The following NUP133 variants were observed in gnomAD, a reference collection of about 807,000 sequenced individuals.
NUP133 encodes the protein nucleoporin 133.
A neutral mutation model predicts 146.2 loss-of-function variants in NUP133; 66 were observed. The ratio of observed to expected loss-of-function variants is 0.45; its 90% confidence interval spans 0.37 to 0.55. The LOEUF is 0.55. NUP133 is among the 20% of genes least tolerant of loss of function. NUP133 has a pLI of 0.00. For synonymous variants in NUP133, 521 were observed against 498.8 expected, an observed-to-expected ratio of 1.04 and a Z score of -0.59; for missense variants, 1,277 against 1,374.8, an observed-to-expected ratio of 0.93 and a Z score of 1.12.
At chr1:229,454,728 C>A (rs1445181619) in intron 21 of NUP133, among the ~76,000 whole-genome samples, 3 of 152,112 alleles carry the variant, frequency 2.0e-5, no homozygotes, top group Admixed American at 2.0e-4. Context: ...AACAGGAAAG[C>A]CTTGGTTAAA....
chr1:229,500,674 A>G, intron 4 of NUP133, 82 bp downstream of exon 4: 2 of 796,950 alleles, frequency 2.5e-6, no homozygotes, highest in Non-Finnish European at 4.0e-6. Context: ...GTTATATCTC[A>G]AAATCAAAGA....
intron 11 of NUP133, among the ~76,000 whole-genome samples, chr1:229,485,550 T>C (rs1012655080): frequency 6.6e-6 from 1 of 152,132 alleles, no homozygotes; most frequent in Middle Eastern, 3.2e-3. Flanking sequence ...CAGCAAACCA[T>C]AAACAATATT....
At position 229,495,843 on chromosome 1, in the gene NUP133, C is replaced by T. The variant is rs965151620; in HGVS notation, c.975+49G>A. 3 of 1,430,570 alleles carry T rather than the reference C, an allele frequency of 2.1e-6. No homozygotes were observed. In the African/African-American group the frequency reaches 4.3e-5, roughly 21 times the overall value. The allele number at this position is 1,430,570 out of a possible 1,614,324, so 88.6% of individuals were successfully genotyped here. A position where few individuals can be genotyped will look rare whatever the true frequency, so the allele number is the denominator to read the frequency against. On this transcript the variant is annotated intron_variant, in intron 7 of 25. Coordinates refer to ENST00000261396, the MANE Select transcript of NUP133 (RefSeq NM_018230.3). ...AAACAATTAAGGGAACCAGCATTAT[C>T]ATACAACCATAAACATGAATTACAG...
intron 19 of NUP133, among the ~76,000 whole-genome samples, chr1:229,461,129 A>C (rs1660681653): frequency 6.6e-6 from 1 of 152,216 alleles, no homozygotes; most frequent in Non-Finnish European, 1.5e-5. Flanking sequence ...CAGTAGCCCC[A>C]TGTGGCCAGT....
In NUP133 at chr1:229,475,654, A is replaced by C; in HGVS notation, c.1835T>G (p.Met612Arg). The C allele has an allele frequency of 1.2e-6, 2 of 1,614,100 alleles. No individual in the cohort carries two copies. Among genetic ancestry groups the C allele is most frequent in the Non-Finnish European group, 1.7e-6 (2 of 1,179,890 alleles). ...CGCTCTTACTTGATGAATAAAGTCCATAAGAAAAGAGTGAGCTTTCATCTT... is the reference window on the plus strand; with the variant it reads ...CGCTCTTACTTGATGAATAAAGTCCCTAAGAAAAGAGTGAGCTTTCATCTT... ...EDKMKAHSFL[M>R]DFIHQVGLFG... is the part of the protein sequence containing the mutation. Residue 612 changes from methionine to arginine, a missense_variant, in exon 14 of 26, where the codon ATG becomes AGG. By Grantham distance (91) the Met-to-Arg change is moderately conservative. Transcript: ENST00000261396.
chr1:229,477,842 A>G, intron 12 of NUP133, 82 bp from the exon 13 acceptor site: 1 of 1,024,266 alleles, frequency 9.8e-7, no homozygotes, highest in Non-Finnish European at 1.4e-6. Context: ...ATTATGGACT[A>G]CTATTCAGCC....
At chr1:229,494,112 AGAGT>A (rs905042832) in intron 8 of NUP133, among the ~76,000 whole-genome samples, 5 of 152,268 alleles carry the variant, frequency 3.3e-5, no homozygotes, top group African/African-American at 9.6e-5. Context: ...CCTGGGTGAC[AGAGT>A]GAGACTCAGT....
chr1:229,441,819 CAA>C lies in NUP133; in HGVS notation c.*83_*84del. 1 of 1,129,392 alleles carries C rather than the reference CAA, an allele frequency of 8.9e-7. No homozygotes were observed. Among genetic ancestry groups the C allele is most frequent in the African/African-American group, 1.6e-5 (1 of 62,716 alleles). 70.0% of individuals were successfully genotyped at this position (1,129,392 alleles called of 1,614,324 possible). On this transcript the variant is annotated 3_prime_UTR_variant, in exon 26 of 26. Transcript: ENST00000261396. ...CAGCTATACATGTTATGAAATTGTA[CAA>C]ACTTACACTTGTTTATGGCCTAAAA...
intron 17 of NUP133, 70 bp from the exon 18 acceptor site, chr1:229,464,945 C>T: frequency 6.4e-7 from 1 of 1,564,152 alleles, no homozygotes; most frequent in Non-Finnish European, 8.7e-7. Context: ...AGACTAATAG[C>T]ATAAAAATTA....
At chr1:229,452,497 T>C in intron 22 of NUP133, 28 bp downstream of exon 22, 1 of 1,548,916 alleles carries the variant, frequency 6.5e-7, no homozygotes, top group African/African-American at 1.4e-5. Flanking sequence ...GTTTAAGAAA[T>C]AGCGTTAAGG....
intron 2 of NUP133, among the ~76,000 whole-genome samples, chr1:229,502,797 T>TAAA (rs776726500): frequency 4.8e-5 from 6 of 124,928 alleles, no homozygotes; most frequent in African/African-American, 1.4e-4. Flanking sequence ...CTCTCTCTCT[T>TAAA]AAAAAAAAAA....
At chr1:229,475,776 A>G (rs767213859) in intron 13 of NUP133, 44 bp from the exon 14 acceptor site, 2 of 1,439,386 alleles carry the variant, frequency 1.4e-6, no homozygotes, top group Non-Finnish European at 9.8e-7. Context: ...GTGGTTTTAC[A>G]ACTATACTAT....
intron 1 of NUP133, 126 bp downstream of exon 1, chr1:229,507,942 T>C: frequency 7.9e-7 from 1 of 1,269,030 alleles, no homozygotes; most frequent in Non-Finnish European, 1.0e-6. Flanking sequence ...AAAGGTCTAT[T>C]TTCCAATACT....
chr1:229,486,279 G>A (rs1661343611), intron 11 of NUP133, 92 bp downstream of exon 11: 2 of 1,142,910 alleles, frequency 1.7e-6, no homozygotes, highest in African/African-American at 1.8e-5. Context: ...CTACGACTGT[G>A]CCACTGCACT....
rs368582822 is a variant in NUP133 at position 229,470,575 on chromosome 1, C to A, written c.2076+5G>T. 2.4e-4 allele frequency: 389 copies of A among 1,611,632 alleles called. No individual in the cohort carries two copies. Among genetic ancestry groups the A allele is most frequent in the Non-Finnish European group, 3.2e-4 (378 of 1,177,812 alleles). On this transcript the variant is annotated splice_donor_5th_base_variant and intron_variant, in intron 15 of 25. Coordinates refer to ENST00000261396, the MANE Select transcript of NUP133 (RefSeq NM_018230.3). ...CAAAGCCACATGAAAGAGGACTCAT[C>A]TTACCTCCCTGAAAAAGACATCTGC... is the stretch of plus-strand genomic sequence containing the variant.
chr1:229,442,829 C>G lies in NUP133; in HGVS notation c.3335-789G>C, dbSNP rs115262402. On this transcript the variant is annotated intron_variant, in intron 25 of 25. Coordinates refer to ENST00000261396, the MANE Select transcript of NUP133 (RefSeq NM_018230.3). Reference sequence around the variant, plus strand: ...CAAGCGATTCTCCTGCCTCAGCCACCCCGGTAACTAGGATTACAGGTGCCC... The same window carrying G: ...CAAGCGATTCTCCTGCCTCAGCCACGCCGGTAACTAGGATTACAGGTGCCC... Among the ~76,000 whole-genome samples the G allele has an allele frequency of 9.0e-3, 1,365 of 151,724 alleles. 20 individuals carry two copies. The highest frequency in any genetic ancestry group is 0.031 in the African/African-American group (1,290 of 41,372).
In NUP133 at chr1:229,495,451, T is replaced by G. The variant is rs769286204; in HGVS notation, c.1046+44A>C. ...TTATTATAAACATCAACTTATTTTT[T>G]CCAAACTCTTCTCTATGTTCTTTAC... On this transcript the variant is annotated intron_variant, in intron 8 of 25. Coordinates refer to ENST00000261396, the MANE Select transcript of NUP133 (RefSeq NM_018230.3). 2.2e-6 allele frequency: 3 copies of G among 1,369,066 alleles called. No homozygotes were observed. The Admixed American group carries it at 5.3e-5, about 24-fold the overall frequency. 84.8% of individuals were successfully genotyped at this position (1,369,066 alleles called of 1,614,324 possible). A position where few individuals can be genotyped will look rare whatever the true frequency, so the allele number is the denominator to read the frequency against.
chr1:229,449,875 T>TATATATATATA (rs1558088585), intron 23 of NUP133, among the ~76,000 whole-genome samples: 3,306 of 64,002 alleles, frequency 0.052, 86 homozygotes, highest in Non-Finnish European at 0.069. Context: ...ATATATATAT[T>TATATATATATA]TTTTTTTTTT....
intron 2 of NUP133, among the ~76,000 whole-genome samples, chr1:229,504,946 TG>T (rs1272582928): frequency 2.0e-5 from 3 of 152,176 alleles, no homozygotes; most frequent in African/African-American, 7.2e-5. Context: ...GTCCAACCCA[TG>T]GCCCAGGGAC....
Sources: gnomAD v4.1 joint callset for allele counts (sites outside exome capture counted in the v4.1 genomes callset) on GRCh38, gnomAD v4.1.1 for gene constraint, MANE v1.5 for transcripts, NCBI Gene and HGNC (gene_info 2026-07-23, HGNC 2026-07-21) for gene names.